Variants in DPP6 observed in about 807,000 individuals in gnomAD.
DPP6 encodes dipeptidyl peptidase like 6, also known as A-type potassium channel modulatory protein DPP6.
In DPP6, 69 loss-of-function variants were observed where a neutral mutation model predicts 122.6. That is an observed-to-expected ratio of 0.56 (90% confidence interval 0.46 to 0.69). The LOEUF is 0.69. DPP6 is among the 30% of genes least tolerant of loss of function. The pLI is 0.00. For synonymous variants in DPP6, 418 were observed against 433.1 expected (o/e 0.97, Z 0.43); for missense variants, 928 against 1,116.9 (o/e 0.83, Z 2.41).
chr7:154,779,542 C>T (rs1177191447), intron 10 of DPP6, among the ~76,000 whole-genome samples: 5 of 152,184 alleles, frequency 3.3e-5, no homozygotes. Context: ...GACTTGAGCA[C>T]GAGTCTTCCG....
the DPP6 span, among the ~76,000 whole-genome samples, chr7:153,827,830 G>C: frequency 2.0e-5 from 3 of 152,136 alleles, no homozygotes; most frequent in Non-Finnish European, 4.4e-5. Context: ...TGCGCTCCCC[G>C]TGGTGTCAAT....
At chr7:154,107,828 G>A (rs1806283433) in intron 1 of DPP6, among the ~76,000 whole-genome samples, 1 of 152,088 alleles carries the variant, frequency 6.6e-6, no homozygotes, top group South Asian at 2.1e-4. Context: ...CTGGAGCTCT[G>A]GATGCTGATC....
At chr7:153,930,033 G>C (rs947179742) in intron 1 of DPP6, among the ~76,000 whole-genome samples, 2 of 152,154 alleles carry the variant, frequency 1.3e-5, no homozygotes, top group Non-Finnish European at 2.9e-5. Flanking sequence ...TCTGACTCCA[G>C]AGCTTCAATT....
chr7:154,690,581 G>T (rs1178918121), intron 7 of DPP6, among the ~76,000 whole-genome samples: 1 of 152,038 alleles, frequency 6.6e-6, no homozygotes, highest in Non-Finnish European at 1.5e-5. Flanking sequence ...AGAGAGGAAT[G>T]ATCCCACCAG....
intron 1 of DPP6, among the ~76,000 whole-genome samples, chr7:154,011,158 G>A (rs941942628): frequency 1.2e-4 from 19 of 152,192 alleles, no homozygotes; most frequent in African/African-American, 4.1e-4. Context: ...AAGGAAGAAA[G>A]TCCTGACAAA....
intron 17 of DPP6, among the ~76,000 whole-genome samples, chr7:154,859,191 G>A (rs1365788368): frequency 6.6e-6 from 1 of 152,222 alleles, no homozygotes; most frequent in Non-Finnish European, 1.5e-5. Context: ...ATCAGCCCTG[G>A]TGAGGCCATG....
chr7:153,772,974 CTT>C, the DPP6 span, among the ~76,000 whole-genome samples: 1 of 142,604 alleles, frequency 7.0e-6, no homozygotes, highest in Admixed American at 7.1e-5. Context: ...AAAGAAAAGA[CTT>C]ATATATTATA....
chr7:154,689,212 G>C lies in DPP6; in HGVS notation c.762+19771G>C, dbSNP rs1381901254. Among the ~76,000 whole-genome samples, 3 of 152,208 alleles carry C rather than the reference G, an allele frequency of 2.0e-5. No homozygotes were observed. The East Asian group carries it at 5.8e-4, about 29-fold the overall frequency. The stretch of plus-strand genomic sequence containing the variant: ...CTCCCAAGTTTTTGCCATGGAATGT[G>C]AAGTTGCTGTAGATTCATTTGGGAA... On this transcript the variant is annotated intron_variant, in intron 7 of 25. Transcript: ENST00000377770.
intron 1 of DPP6, among the ~76,000 whole-genome samples, chr7:154,418,674 A>T (rs1817223543): frequency 6.6e-6 from 1 of 152,180 alleles, no homozygotes; most frequent in African/African-American, 2.4e-5. Flanking sequence ...TTACAACCAG[A>T]TTATATTACT....
At chr7:154,529,965 C>A (rs945104671) in intron 3 of DPP6, among the ~76,000 whole-genome samples, 3 of 151,606 alleles carry the variant, frequency 2.0e-5, no homozygotes, top group African/African-American at 7.3e-5. Flanking sequence ...GTCTCTACTA[C>A]AAATATGAAA....
rs376020903 is a variant in DPP6, at chr7:154,650,557, A to C, written c.680+12684A>C. On this transcript the variant is annotated intron_variant, in intron 6 of 25. Coordinates refer to ENST00000377770, the MANE Select transcript of DPP6 (RefSeq NM_130797.4). Reference sequence around the variant, plus strand: ...TCCTTAATGAGAAGGCCTTAATTCCAAAGTGAGGGCTGGCAAACCCAACAG... The same window carrying C: ...TCCTTAATGAGAAGGCCTTAATTCCCAAGTGAGGGCTGGCAAACCCAACAG... Among the ~76,000 whole-genome samples the C allele has an allele frequency of 9.8e-5, 15 of 152,336 alleles. No individual in the cohort carries two copies. The South Asian group carries it at 2.9e-3, about 29-fold the overall frequency.
intron 5 of DPP6, chr7:154,587,209 T>C (rs1228972973): frequency 4.8e-6 from 1 of 207,902 alleles, no homozygotes; most frequent in Non-Finnish European, 9.7e-6. Context: ...CCTGCTGCAC[T>C]TCGGTGGACT....
At chr7:154,438,923 ACTAGAAATGTGGCTT>A in intron 1 of DPP6, among the ~76,000 whole-genome samples, 1 of 152,292 alleles carries the variant, frequency 6.6e-6, no homozygotes, top group East Asian at 1.9e-4. Context: ...GGGCTCACAG[ACTAGAAATGTGGCTT>A]CCAGGGCCCA....
chr7:153,974,998 G>C (rs1796220229), intron 1 of DPP6, among the ~76,000 whole-genome samples: 1 of 152,142 alleles, frequency 6.6e-6, no homozygotes, highest in African/African-American at 2.4e-5. Context: ...TTTGGCTAAG[G>C]CTTCGAATCC....
Position 153,993,313 on chromosome 7 carries a change from C to T in DPP6, c.51+105579C>T, listed in dbSNP as rs548371471. ...CAGATTGATCCCGTCTTCTTACAAA[C>T]ACATCTTTAGGCTGTCCCCCTGTGT... On this transcript the variant is annotated intron_variant, in intron 1 of 25. Transcript: ENST00000404039. Among the ~76,000 whole-genome samples the T allele has an allele frequency of 2.6e-5, 4 of 152,318 alleles. 1 individual carries two copies. In the South Asian group the frequency reaches 8.3e-4, roughly 32 times the overall value.
At chr7:154,450,824 A>G (rs920458632) in intron 2 of DPP6, among the ~76,000 whole-genome samples, 1 of 152,186 alleles carries the variant, frequency 6.6e-6, no homozygotes, top group African/African-American at 2.4e-5. Context: ...ATTTCTAACG[A>G]ATATAGAGGA....
Position 154,285,612 on chromosome 7 carries a change from C to T in DPP6, c.244-160602C>T, listed in dbSNP as rs200307760. Among the ~76,000 whole-genome samples, 7 of 152,284 alleles carry T rather than the reference C, an allele frequency of 4.6e-5. No individual in the cohort carries two copies. The East Asian group carries it at 1.3e-3, about 29-fold the overall frequency. On this transcript the variant is annotated intron_variant, in intron 1 of 25. Transcript: ENST00000377770. ...TTTTAGGTTATTATAAAATCACAGC[C>T]ATAGTAACTTCCTGTGAGGAAACGG...
At chr7:154,006,749 C>CACTT (rs1797928464) in intron 1 of DPP6, among the ~76,000 whole-genome samples, 1 of 152,220 alleles carries the variant, frequency 6.6e-6, no homozygotes, top group Admixed American at 6.5e-5. Context: ...GTACAGGGAG[C>CACTT]ACTTAAAAGA....
At chr7:153,922,270 G>A (rs2129009016) in intron 1 of DPP6, among the ~76,000 whole-genome samples, 1 of 152,302 alleles carries the variant, frequency 6.6e-6, no homozygotes, top group East Asian at 1.9e-4. Context: ...GGAGGCTGAG[G>A]CAGGCAGATT....
Sources: gnomAD v4.1 joint callset for allele counts (sites outside exome capture counted in the v4.1 genomes callset) on GRCh38, gnomAD v4.1.1 for gene constraint, MANE v1.5 for transcripts, NCBI Gene and HGNC (gene_info 2026-07-23, HGNC 2026-07-21) for gene names.